The following SAMHD1 variants were observed in gnomAD, a reference collection of about 807,000 sequenced individuals.
SAMHD1 encodes the protein deoxynucleoside triphosphate triphosphohydrolase SAMHD1.
Under a neutral mutation model 79.6 loss-of-function variants are expected in SAMHD1, and 54 were observed. The ratio of observed to expected loss-of-function variants is 0.68; its 90% CI spans 0.55 to 0.85. SAMHD1 has a LOEUF of 0.85. Among genes scored for constraint, SAMHD1 ranks in the 40% least tolerant of loss-of-function variants. The probability of loss-of-function intolerance (pLI) is 0.00; values close to 1 mark genes in which losing one functional copy is unlikely to be tolerated. For synonymous variants in SAMHD1, 260 were observed against 264.1 expected, an observed-to-expected ratio of 0.98 and a Z score of 0.15; for missense variants, 663 against 782.7, an observed-to-expected ratio of 0.85 and a Z score of 1.82.
chr20:36,893,242 A>G, intron 15 of SAMHD1, 176 bp from the exon 16 acceptor site: 2 of 721,952 alleles, frequency 2.8e-6, no homozygotes, highest in South Asian at 1.7e-5. Context: ...CAAATTAGAA[A>G]CACTACAGTC....
intron 6 of SAMHD1, among the ~76,000 whole-genome samples, chr20:36,921,487 T>C (rs1467322122): frequency 6.8e-6 from 1 of 147,414 alleles, no homozygotes; most frequent in Non-Finnish European, 1.5e-5. Flanking sequence ...TGACAGACAA[T>C]GCCTTAATCA....
chr20:36,910,147 C>T (rs1025952475), intron 11 of SAMHD1, among the ~76,000 whole-genome samples: 97 of 150,082 alleles, frequency 6.5e-4, no homozygotes, highest in Admixed American at 1.8e-3. Flanking sequence ...GGTGTGAACC[C>T]GGGAGGCAGA....
In SAMHD1 at chr20:36,897,934, A is replaced by G; in HGVS notation, c.1634T>C (p.Phe545Ser). Residue 545 changes from phenylalanine (F) to serine (S), a missense_variant, in exon 15 of 16, where the codon TTT becomes TCT. Transcript: ENST00000646673. ...NQVSQLLPEK[F>S]AEQLIRVYCK... ...ATATACTCGAATCAGCTGCTCTGCA[A>G]ATTTCTCTGGCAGAAGTTGTGAAAC... 1 of 1,614,194 alleles carries G rather than the reference A, an allele frequency of 6.2e-7. No individual in the cohort carries two copies. Among genetic ancestry groups the G allele is most frequent in the South Asian group, 1.1e-5 (1 of 91,082 alleles).
At position 36,951,562 on chromosome 20, in the gene SAMHD1, C is replaced by A. The variant is rs747865444; in HGVS notation, c.82G>T (p.Ala28Ser). 3 of 1,614,064 alleles carry A rather than the reference C, an allele frequency of 1.9e-6. No homozygotes were observed. The highest frequency in any genetic ancestry group is 2.7e-5 in the African/African-American group (2 of 74,940). Residue 28 changes from alanine (A) to serine (S), a missense_variant, in exon 1 of 16, where the codon GCA becomes TCA. Physicochemically the swap from Ala to Ser is moderately conservative, Grantham distance 99. Coordinates refer to ENST00000646673, the MANE Select transcript of SAMHD1 (RefSeq NM_015474.4). The part of the protein sequence containing the change: ...SPRTPSNTPS[A>S]EADWSPGLEL... ...AGGCCCGGGGACCAGTCTGCCTCTG[C>A]GGAAGGGGTGTTTGAGGGGGTTCTC...
rs189258588 is a variant in SAMHD1, at chr20:36,923,729, C to T, written c.696+3453G>A. On this transcript the variant is annotated intron_variant, in intron 6 of 15. Coordinates refer to ENST00000646673, the MANE Select transcript of SAMHD1 (RefSeq NM_015474.4). ...ACTTGGGAGGCTGAGATGGAAGGAT[C>T]GCTTGAGTCTGGAGGTCAAGACCAG... Among the ~76,000 whole-genome samples, 288 of 152,162 alleles carry T rather than the reference C, an allele frequency of 1.9e-3. 1 individual carries two copies. Among genetic ancestry groups the T allele is most frequent in the African/African-American group, 6.4e-3 (267 of 41,530 alleles).
rs1313762549 is a variant in SAMHD1, at chr20:36,897,962, T to G, written c.1609-3A>C. 1 of 1,614,166 alleles carries G rather than the reference T, an allele frequency of 6.2e-7. No homozygotes were observed. The highest frequency in any genetic ancestry group is 2.2e-5 in the East Asian group (1 of 44,884). On this transcript the variant is annotated splice_polypyrimidine_tract_variant and splice_region_variant and intron_variant, in intron 14 of 15. Coordinates refer to ENST00000646673, the MANE Select transcript of SAMHD1 (RefSeq NM_015474.4). ...TTCTCTGGCAGAAGTTGTGAAACCT[T>G]TTTAAAATGAAGAGATTTCACTATC...
chr20:36,937,055 C>T (rs13042591), intron 3 of SAMHD1, among the ~76,000 whole-genome samples: 58,025 of 150,724 alleles, frequency 0.38, 12,120 homozygotes, highest in South Asian at 0.58. Flanking sequence ...GCAGGAGAAT[C>T]GCTTGAACCC....
chr20:36,926,247 A>AT (rs2146126863), intron 6 of SAMHD1, among the ~76,000 whole-genome samples: 1 of 152,334 alleles, frequency 6.6e-6, no homozygotes, highest in South Asian at 2.1e-4. Context: ...TACGTAGGCG[A>AT]TAAAAAAAAG....
intron 7 of SAMHD1, 148 bp from the exon 8 acceptor site, chr20:36,917,197 C>T: frequency 1.5e-6 from 1 of 658,382 alleles, no homozygotes; most frequent in South Asian, 1.8e-5. Context: ...TTCTTTCTTT[C>T]TTCCACTTCA....
At chr20:36,948,775 G>A (rs1215708421) in intron 1 of SAMHD1, among the ~76,000 whole-genome samples, 4 of 150,386 alleles carry the variant, frequency 2.7e-5, no homozygotes, top group African/African-American at 7.3e-5. Context: ...GCTGAGGCAG[G>A]AGAATTGCTT....
chr20:36,950,557 A>C (rs1408229619), intron 1 of SAMHD1, among the ~76,000 whole-genome samples: 1 of 152,122 alleles, frequency 6.6e-6, no homozygotes, highest in Non-Finnish European at 1.5e-5. Flanking sequence ...CCACCACAAA[A>C]AGTTGAGTAG....
intron 1 of SAMHD1, 71 bp downstream of exon 1, chr20:36,951,365 C>T: frequency 6.2e-7 from 1 of 1,600,214 alleles, no homozygotes; most frequent in Non-Finnish European, 8.5e-7. Flanking sequence ...CGTGGGGCCC[C>T]CTCCCTCAGG....
chr20:36,896,165 G>A (rs1418876492), intron 15 of SAMHD1, among the ~76,000 whole-genome samples: 4 of 151,886 alleles, frequency 2.6e-5, no homozygotes, highest in Admixed American at 1.3e-4. Flanking sequence ...GTAGAGACGG[G>A]GTTTCACAGT....
rs769036753 is a variant in SAMHD1, at chr20:36,935,680, C to T, written c.349-491G>A. On this transcript the variant is annotated intron_variant, in intron 3 of 15. Coordinates refer to ENST00000646673, the MANE Select transcript of SAMHD1 (RefSeq NM_015474.4). ...CTGCCTCCCAAGTTCAAGCTATTCT[C>T]CTGCCTCAGCCTCCTGAGTAGCTGG... 1.3e-4 allele frequency among the ~76,000 whole-genome samples: 20 copies of T among 151,924 alleles called. No homozygotes were observed. In the East Asian group the frequency reaches 1.4e-3, roughly 10 times the overall value.
Position 36,930,772 on chromosome 20 carries a change from A to C in SAMHD1, c.613T>G (p.Cys205Gly). 6.2e-7 allele frequency: 1 copy of C among 1,611,846 alleles called. No homozygotes were observed. The highest frequency in any genetic ancestry group is 8.5e-7 in the Non-Finnish European group (1 of 1,178,044). The change falls in exon 5 of 16, where the codon TGT (cysteine) becomes GGT (glycine). Residue 205 changes from cysteine to glycine, a missense_variant. Cys to Gly is a radical substitution (Grantham distance 159). Coordinates refer to ENST00000646673, the MANE Select transcript of SAMHD1 (RefSeq NM_015474.4). ...DVLCVQIAGL[C>G]HDLGHGPFSH... is the part of the protein sequence containing the mutation. Reference sequence around the variant, plus strand: ...TTGTACAGCTTACCGAGATCATGACAAAGTCCAGCAATCTGAACACAGAGA... The same window carrying C: ...TTGTACAGCTTACCGAGATCATGACCAAGTCCAGCAATCTGAACACAGAGA...
intron 13 of SAMHD1, among the ~76,000 whole-genome samples, chr20:36,903,678 T>C (rs1424593851): frequency 6.6e-6 from 1 of 151,694 alleles, no homozygotes; most frequent in Non-Finnish European, 1.5e-5. Flanking sequence ...GCCTCCCGAG[T>C]AGCTGGGACT....
intron 4 of SAMHD1, 60 bp downstream of exon 4, chr20:36,934,969 T>G: frequency 6.4e-7 from 1 of 1,562,566 alleles, no homozygotes; most frequent in South Asian, 1.1e-5. Context: ...AAGATAACTA[T>G]TTCATGAGAC....
At position 36,931,139 on chromosome 20, in the gene SAMHD1, T is replaced by C. The variant is rs2063565695; in HGVS notation, c.510-264A>G. 6.5e-6 allele frequency: 3 copies of C among 458,356 alleles called. 1 individual carries two copies. The highest frequency in any genetic ancestry group is 1.2e-5 in the Non-Finnish European group (3 of 248,238). The allele number at this position is 458,356 out of a possible 1,614,324, so 28.4% of individuals were successfully genotyped here. The stretch of plus-strand genomic sequence containing the variant: ...ACTTCACACCCCTTAGGATAGCTAC[T>C]ATTAAAAAAAGAAAACCAGAAAATA... On this transcript the variant is annotated intron_variant, in intron 4 of 15. Coordinates refer to ENST00000646673, the MANE Select transcript of SAMHD1 (RefSeq NM_015474.4).
At chr20:36,898,011 T>C in intron 14 of SAMHD1, 52 bp from the exon 15 acceptor site, 1 of 1,607,198 alleles carries the variant, frequency 6.2e-7, no homozygotes, top group African/African-American at 1.3e-5. Context: ...ACATTGGAGA[T>C]ATCAGCTGGT....
Sources: allele counts gnomAD v4.1 joint callset (sites outside exome capture counted in the v4.1 genomes callset), GRCh38; gene constraint gnomAD v4.1.1; transcripts MANE v1.5; gene names NCBI Gene and HGNC (gene_info 2026-07-23, HGNC 2026-07-21).